Variants in CAMK2D observed in about 807,000 individuals in gnomAD.
The protein encoded by CAMK2D is calcium/calmodulin-dependent protein kinase type II subunit delta.
In CAMK2D, 37 loss-of-function variants were observed where a neutral mutation model predicts 84.0. That is an observed-to-expected ratio of 0.44 (90% CI 0.34 to 0.58). The LOEUF is 0.58. CAMK2D is among the 20% of genes least tolerant of loss of function. The probability of loss-of-function intolerance (pLI) is 0.02; values close to 1 mark genes in which losing one functional copy is unlikely to be tolerated. For synonymous variants in CAMK2D, 202 were observed against 212.5 expected, an observed-to-expected ratio of 0.95 and a Z score of 0.43; for missense variants, 448 against 652.5, an observed-to-expected ratio of 0.69 and a Z score of 3.41.
chr4:113,693,104 C>T (rs1390121465), intron 2 of CAMK2D, among the ~76,000 whole-genome samples: 6 of 152,108 alleles, frequency 3.9e-5, no homozygotes, highest in Admixed American at 3.9e-4. Flanking sequence ...CTAAGCCAAC[C>T]TTTCTGAGGG....
At chr4:113,668,821 T>C (rs1272791580) in intron 2 of CAMK2D, among the ~76,000 whole-genome samples, 1 of 152,184 alleles carries the variant, frequency 6.6e-6, no homozygotes, top group Non-Finnish European at 1.5e-5. Context: ...AGTGTAAAAT[T>C]TGTAAATAAA....
At position 113,465,663 on chromosome 4, in the gene CAMK2D, CT is replaced by C. The variant is rs1345696333; in HGVS notation, c.1136-60del. On this transcript the variant is annotated intron_variant, in intron 16 of 20. Coordinates refer to ENST00000511664, the MANE Select transcript of CAMK2D (RefSeq NM_001321571.2). ...AAAGACAAAAGTCATATTAAATATT[CT>C]TTTTCATTTTTAATTTTTGAGATAG... The C allele has an allele frequency of 3.7e-6, 4 of 1,071,762 alleles. No homozygotes were observed. In the African/African-American group the frequency reaches 4.7e-5, roughly 13 times the overall value. 66.4% of individuals were successfully genotyped at this position (1,071,762 alleles called of 1,614,324 possible).
chr4:113,679,340 G>T (rs1592917637), intron 2 of CAMK2D: 3 of 331,190 alleles, frequency 9.1e-6, no homozygotes, highest in South Asian at 2.4e-4. Flanking sequence ...ATACACGTAT[G>T]TCAAAATTTA....
rs1052332143 is a variant in CAMK2D at position 113,761,717 on chromosome 4, A to C, written c.-649T>G. ...GCTGCTCACGAGCCCGCGCGGCTTC[A>C]AGACGGCGCGGCGAGAGAAAGAGCG... On this transcript the variant is annotated 5_prime_UTR_variant, in exon 1 of 21. Coordinates refer to ENST00000511664, the MANE Select transcript of CAMK2D (RefSeq NM_001321571.2). The C allele has an allele frequency of 3.3e-6, 3 of 918,630 alleles. No homozygotes were observed. The South Asian group carries it at 1.5e-4, about 46-fold the overall frequency. The allele number at this position is 918,630 out of a possible 1,614,324, so 56.9% of individuals were successfully genotyped here. A position where few individuals can be genotyped will look rare whatever the true frequency, so the allele number is the denominator to read the frequency against.
At chr4:113,623,886 T>A (rs2099056862) in intron 3 of CAMK2D, among the ~76,000 whole-genome samples, 1 of 152,116 alleles carries the variant, frequency 6.6e-6, no homozygotes, top group South Asian at 2.1e-4. Flanking sequence ...TCACTCTCAC[T>A]CACCCTCAAG....
chr4:113,592,787 C>T lies in CAMK2D; in HGVS notation c.275+16365G>A, dbSNP rs142431297. Among the ~76,000 whole-genome samples the T allele has an allele frequency of 4.6e-5, 7 of 152,188 alleles. No homozygotes were observed. The East Asian group carries it at 1.2e-3, about 25-fold the overall frequency. On this transcript the variant is annotated intron_variant, in intron 4 of 20. Coordinates refer to ENST00000511664, the MANE Select transcript of CAMK2D (RefSeq NM_001321571.2). The stretch of plus-strand genomic sequence containing the variant: ...GACCTCCAGCTAATGAATTATTATG[C>T]CTTGCTTGTATTTTCAAATCCAAAC...
At chr4:113,542,730 A>AAT (rs1455635725) in intron 6 of CAMK2D, among the ~76,000 whole-genome samples, 2 of 150,980 alleles carry the variant, frequency 1.3e-5, no homozygotes, top group Non-Finnish European at 2.9e-5. Context: ...AAAAAAAAAA[A>AAT]TTTACTAAGT....
At chr4:113,649,413 G>A (rs1018842136) in intron 3 of CAMK2D, among the ~76,000 whole-genome samples, 4 of 151,880 alleles carry the variant, frequency 2.6e-5, no homozygotes, top group East Asian at 1.9e-4. Flanking sequence ...ATATAATAAC[G>A]CCAATCATTA....
In CAMK2D at chr4:113,698,027, T is replaced by C. The variant is rs571982208; in HGVS notation, c.161-36255A>G. On this transcript the variant is annotated intron_variant, in intron 2 of 20. Coordinates refer to ENST00000511664, the MANE Select transcript of CAMK2D (RefSeq NM_001321571.2). ...GTTAAAAATATTGCTAAGTCGAGAATGCATTTAATACATCTAACTTAACTG... is the reference window on the plus strand; with the variant it reads ...GTTAAAAATATTGCTAAGTCGAGAACGCATTTAATACATCTAACTTAACTG... 7.2e-5 allele frequency among the ~76,000 whole-genome samples: 11 copies of C among 152,238 alleles called. No individual in the cohort carries two copies. The East Asian group carries it at 1.9e-3, about 27-fold the overall frequency.
chr4:113,527,707 A>C (rs755069034), intron 8 of CAMK2D, among the ~76,000 whole-genome samples: 3 of 152,150 alleles, frequency 2.0e-5, no homozygotes, highest in African/African-American at 4.8e-5. Context: ...AACACCAATA[A>C]AACTTATACA....
rs1294067631 is a variant in CAMK2D at position 113,453,574 on chromosome 4, CCT to C, written c.*969_*970del. The C allele has an allele frequency of 6.6e-6, 1 of 151,948 alleles. No individual in the cohort carries two copies. Among genetic ancestry groups the C allele is most frequent in the Non-Finnish European group, 1.5e-5 (1 of 67,996 alleles). The allele number at this position is 151,948 out of a possible 1,614,324, so 9.4% of individuals were successfully genotyped here. A position where few individuals can be genotyped will look rare whatever the true frequency, so the allele number is the denominator to read the frequency against. On this transcript the variant is annotated 3_prime_UTR_variant, in exon 21 of 21. Transcript: ENST00000511664. ...AAATCTTGACAACATTTTTGTGGGC[CCT>C]GAAGATGATCAAAAGTGCTAGTATA...
At chr4:113,570,756 A>AT (rs2098749319) in intron 4 of CAMK2D, among the ~76,000 whole-genome samples, 2 of 152,208 alleles carry the variant, frequency 1.3e-5, no homozygotes, top group Non-Finnish European at 2.9e-5. Context: ...ATTTTTAAAT[A>AT]TGACACCCAA....
rs112704254 is a variant in CAMK2D, at chr4:113,488,304, G to A, written c.1135+12159C>T. On this transcript the variant is annotated intron_variant, in intron 16 of 20. Coordinates refer to ENST00000511664, the MANE Select transcript of CAMK2D (RefSeq NM_001321571.2). Reference sequence around the variant, plus strand: ...TGAAATTTTTGATTACACAAAGTGTGAGTCTGATTACCTCTTGTATTTTTA... The same window carrying A: ...TGAAATTTTTGATTACACAAAGTGTAAGTCTGATTACCTCTTGTATTTTTA... Among the ~76,000 whole-genome samples the A allele has an allele frequency of 2.4e-3, 371 of 152,234 alleles. 2 individuals are homozygous for A. The highest frequency in any genetic ancestry group is 8.4e-3 in the African/African-American group (348 of 41,548).
intron 3 of CAMK2D, among the ~76,000 whole-genome samples, chr4:113,648,187 A>G (rs1400351583): frequency 6.6e-6 from 1 of 152,222 alleles, no homozygotes; most frequent in Non-Finnish European, 1.5e-5. Context: ...ATTTTTGTAC[A>G]TCTCAAAATA....
At chr4:113,460,382 A>T (rs1376272764) in intron 17 of CAMK2D, 141 bp from the exon 18 acceptor site, 1 of 658,260 alleles carries the variant, frequency 1.5e-6, no homozygotes, top group African/African-American at 1.8e-5. Flanking sequence ...TCTATCATAA[A>T]CCTTGGCAAG....
Position 113,609,198 on chromosome 4 carries a change from GA to G in CAMK2D, c.228del (p.His77MetfsTer16). The G allele has an allele frequency of 6.3e-7, 1 of 1,576,088 alleles. No individual in the cohort carries two copies. The highest frequency in any genetic ancestry group is 8.7e-7 in the Non-Finnish European group (1 of 1,145,772). ...RLLKHPNIVR[L>X]HDSISEEGFH... ...AAGCCCTCTTCTGATATGCTATCAT[GA>G]AGTCGCACTAGAAAAAAATAAGAGA... On this transcript the variant is annotated frameshift_variant, in exon 4 of 21. Transcript: ENST00000511664. LOFTEE classifies it high-confidence loss of function.
At chr4:113,712,026 C>T (rs2099494663) in intron 2 of CAMK2D, among the ~76,000 whole-genome samples, 1 of 152,076 alleles carries the variant, frequency 6.6e-6, no homozygotes, top group African/African-American at 2.4e-5. Context: ...TACCCCCACC[C>T]ACCACTCCAA....
chr4:113,553,238 C>G (rs1177631990), intron 4 of CAMK2D, among the ~76,000 whole-genome samples: 1 of 152,122 alleles, frequency 6.6e-6, no homozygotes, highest in Admixed American at 6.6e-5. Flanking sequence ...CAAGATCACA[C>G]AGCGTTTAGT....
intron 2 of CAMK2D, among the ~76,000 whole-genome samples, chr4:113,714,730 T>C (rs1404784429): frequency 6.6e-6 from 1 of 152,156 alleles, no homozygotes; most frequent in Non-Finnish European, 1.5e-5. Flanking sequence ...CCACATAGTA[T>C]GTAAGCATTT....
Sources: allele counts gnomAD v4.1 joint callset (sites outside exome capture counted in the v4.1 genomes callset), GRCh38; gene constraint gnomAD v4.1.1; transcripts MANE v1.5; gene names NCBI Gene and HGNC (gene_info 2026-07-23, HGNC 2026-07-21).